RPAIN: variants seen among roughly 807,000 people sequenced by gnomAD.
The protein encoded by RPAIN is RPA-interacting protein.
A neutral mutation model predicts 30.5 loss-of-function variants in RPAIN; 29 were observed. The ratio of observed to expected loss-of-function variants is 0.95; its 90% CI spans 0.71 to 1.30. The LOEUF is 1.30. Among genes scored for constraint, RPAIN ranks in the 50% most tolerant of loss-of-function variants. The pLI, the probability that RPAIN is intolerant of heterozygous loss-of-function variation, is 0.00. For synonymous variants in RPAIN, 101 were observed against 93.5 expected (o/e 1.08, Z -0.46); for missense variants, 247 against 264.7 (o/e 0.93, Z 0.46).
intron 3 of RPAIN, among the ~76,000 whole-genome samples, chr17:5,423,411 A>T (rs1305458992): frequency 6.6e-6 from 1 of 152,074 alleles, no homozygotes; most frequent in Non-Finnish European, 1.5e-5. Flanking sequence ...TCCCTCAGCC[A>T]GAAGGCTTAG....
chr17:5,431,208 C>A, intron 6 of RPAIN: 1 of 334,220 alleles, frequency 3.0e-6, no homozygotes, highest in Non-Finnish European at 5.8e-6. Context: ...GAAACACAGC[C>A]AGGCACTGTG....
rs562693433 is a variant in RPAIN, at chr17:5,421,324, G to C, written c.110G>C (p.Arg37Pro). Reference sequence around the variant, plus strand: ...TGCCTGGAGAGAATGAGAAACAGCCGGGACAGGCTCCTAAACAGGTACCGC... The same window carrying C: ...TGCCTGGAGAGAATGAGAAACAGCCCGGACAGGCTCCTAAACAGGTACCGC... The part of the protein sequence containing the change: ...QRCLERMRNS[R>P]DRLLNRYRQA... Residue 37 changes from arginine to proline, a missense_variant, in exon 2 of 7, where the codon CGG becomes CCG. Physicochemically the swap from Arg to Pro is moderately radical, Grantham distance 103. Coordinates refer to ENST00000381209, the MANE Select transcript of RPAIN (RefSeq NM_001033002.4). 1 of 1,612,970 alleles carries C rather than the reference G, an allele frequency of 6.2e-7. No individual in the cohort carries two copies. The highest frequency in any genetic ancestry group is 1.3e-5 in the African/African-American group (1 of 74,762).
chr17:5,428,847 G>A (rs1385098881), intron 6 of RPAIN: 3 of 986,806 alleles, frequency 3.0e-6, no homozygotes, highest in Admixed American at 6.0e-5. Context: ...TTAGATCCCA[G>A]GCAGGGGGAG....
chr17:5,427,750 T>C (rs1915539248), intron 5 of RPAIN: 1 of 348,918 alleles, frequency 2.9e-6, no homozygotes, highest in Non-Finnish European at 5.4e-6. Context: ...TAGTTGTTGG[T>C]AAGGATGCAC....
intron 2 of RPAIN, among the ~76,000 whole-genome samples, chr17:5,422,138 C>T (rs1597339781): frequency 6.6e-6 from 1 of 152,222 alleles, no homozygotes; most frequent in African/African-American, 2.4e-5. Context: ...TATAGTGTAT[C>T]AGGAAGAACA....
At chr17:5,425,091 C>G (rs2151664021) in intron 3 of RPAIN, 1 of 300,396 alleles carries the variant, frequency 3.3e-6, no homozygotes, top group East Asian at 1.3e-4. Flanking sequence ...CTCTGCAGTT[C>G]TAGTGGAAAA....
chr17:5,425,199 C>A (rs1295913636), intron 3 of RPAIN: 5 of 402,892 alleles, frequency 1.2e-5, no homozygotes, highest in Non-Finnish European at 2.4e-5. Flanking sequence ...CAGTCTTTTT[C>A]ATCTTTGTGC....
Position 5,428,229 on chromosome 17 carries a change from C to A in RPAIN, c.630+18C>A. On this transcript the variant is annotated intron_variant, in intron 6 of 6. Transcript: ENST00000381209. ...GCTGTCTGGTAAGCGTCTCCTGGGACCCACTCTGTGGTAAGAGGGACCTGT... is the reference window on the plus strand; with the variant it reads ...GCTGTCTGGTAAGCGTCTCCTGGGAACCACTCTGTGGTAAGAGGGACCTGT... 4.3e-6 allele frequency: 7 copies of A among 1,614,100 alleles called. No homozygotes were observed. Among genetic ancestry groups the A allele is most frequent in the Non-Finnish European group, 5.9e-6 (7 of 1,180,012 alleles).
chr17:5,429,261 T>C (rs1013405379), intron 6 of RPAIN: 2 of 985,308 alleles, frequency 2.0e-6, no homozygotes, highest in Admixed American at 6.2e-5. Context: ...CCTTGAAGCA[T>C]GGAATCGATC....
rs750666034 is a variant in RPAIN at position 5,431,488 on chromosome 17, A to AAAAAAAAAAC, written c.631-1045_631-1044insCAAAAAAAAA. ...GGTGACAGCGAGATTGTGCCTTAAA[A>AAAAAAAAAAC]AAAAAAAAAAAAGAGGAGGGGGAAA... is the stretch of plus-strand genomic sequence containing the variant. On this transcript the variant is annotated intron_variant, in intron 6 of 6. Coordinates refer to ENST00000381209, the MANE Select transcript of RPAIN (RefSeq NM_001033002.4). 3.0e-5 allele frequency: 13 copies of AAAAAAAAAAC among 434,700 alleles called. No individual in the cohort carries two copies. The East Asian group carries it at 8.5e-4, about 29-fold the overall frequency. The allele number at this position is 434,700 out of a possible 1,614,324, so 26.9% of individuals were successfully genotyped here. A position where few individuals can be genotyped will look rare whatever the true frequency, so the allele number is the denominator to read the frequency against.
chr17:5,431,395 G>A (rs1215448232), intron 6 of RPAIN: 1 of 447,664 alleles, frequency 2.2e-6, no homozygotes, highest in African/African-American at 2.0e-5. Context: ...GCTGAAGTGG[G>A]AGGATGGCTT....
intron 6 of RPAIN, 174 bp from the exon 7 acceptor site, chr17:5,432,368 C>CCAGCAATGCCAAAGAGGT (rs1916062247): frequency 1.6e-6 from 1 of 622,760 alleles, no homozygotes; most frequent in Non-Finnish European, 2.9e-6. Context: ...GGACAGAGGT[C>CCAGCAATGCCAAAGAGGT]CAGCAATGCC....
intron 3 of RPAIN, among the ~76,000 whole-genome samples, chr17:5,424,162 A>AT (rs1237672938): frequency 3.4e-5 from 5 of 148,742 alleles, no homozygotes; most frequent in South Asian, 4.3e-4. Flanking sequence ...TAATTTTTTT[A>AT]TTTTTTTGTA....
At chr17:5,429,276 C>CA in intron 6 of RPAIN, 1 of 985,418 alleles carries the variant, frequency 1.0e-6, no homozygotes, top group Non-Finnish European at 1.2e-6. Context: ...TCGATCTGGA[C>CA]AGACATGGAG....
At position 5,425,333 on chromosome 17, in the gene RPAIN, T is replaced by TTC. The variant is rs757594700; in HGVS notation, c.314-632_314-631dup. The TTC allele has an allele frequency of 5.5e-5, 25 of 453,026 alleles. 1 individual carries two copies. Among genetic ancestry groups the TTC allele is most frequent in the East Asian group, 2.1e-4 (3 of 14,180 alleles). 28.1% of individuals were successfully genotyped at this position (453,026 alleles called of 1,614,324 possible). A position where few individuals can be genotyped will look rare whatever the true frequency, so the allele number is the denominator to read the frequency against. ...GGGTCGTCCTGGCATCAGAAATCAGTTCTCTCTTTTTTTTTTTTTTGACAC... is the reference window on the plus strand; with the variant it reads ...GGGTCGTCCTGGCATCAGAAATCAGTTCTCTCTCTTTTTTTTTTTTTTGACAC... On this transcript the variant is annotated intron_variant, in intron 3 of 6. Transcript: ENST00000381209.
In RPAIN at chr17:5,432,667, TG is replaced by T. The variant is rs1916101309; in HGVS notation, c.*97del. ...CAAGCCTTTTATTTATAACTTATTT[TG>T]TATTGAAACTTTTAAACAATACTGA... On this transcript the variant is annotated 3_prime_UTR_variant, in exon 7 of 7. Transcript: ENST00000381209. 4.0e-6 allele frequency: 5 copies of T among 1,234,766 alleles called. No individual in the cohort carries two copies. Among genetic ancestry groups the T allele is most frequent in the Non-Finnish European group, 5.8e-6 (5 of 857,872 alleles). The allele number at this position is 1,234,766 out of a possible 1,614,324, so 76.5% of individuals were successfully genotyped here.
intron 1 of RPAIN, among the ~76,000 whole-genome samples, chr17:5,420,919 G>A (rs1352590108): frequency 1.3e-5 from 2 of 152,156 alleles, no homozygotes; most frequent in African/African-American, 4.8e-5. Flanking sequence ...AATGTTCCTT[G>A]GGGGACAAAA....
At chr17:5,422,710 G>A in intron 2 of RPAIN, 59 bp from the exon 3 acceptor site, 1 of 1,504,340 alleles carries the variant, frequency 6.6e-7, no homozygotes, top group East Asian at 2.3e-5. Flanking sequence ...ATGAATCACT[G>A]TGGGGCTTGG....
intron 6 of RPAIN, chr17:5,431,614 A>T (rs1297774313): frequency 2.2e-6 from 1 of 456,564 alleles, no homozygotes; most frequent in Non-Finnish European, 4.4e-6. Context: ...TTAAGGGGGA[A>T]TCAAGGACCA....
Sources: allele counts gnomAD v4.1 joint callset (sites outside exome capture counted in the v4.1 genomes callset), GRCh38; gene constraint gnomAD v4.1.1; transcripts MANE v1.5; gene names NCBI Gene and HGNC (gene_info 2026-07-23, HGNC 2026-07-21).